RPS6KA2: variants seen among roughly 807,000 people sequenced by gnomAD.
The protein encoded by RPS6KA2 is ribosomal protein S6 kinase A2, also known as ribosomal protein S6 kinase alpha-2.
A neutral mutation model predicts 91.8 loss-of-function variants in RPS6KA2; 42 were observed. That is an observed-to-expected ratio of 0.46 (90% CI 0.36 to 0.59). The LOEUF (loss-of-function observed/expected upper bound fraction) is 0.59, where lower values mean the gene tolerates loss of function less well. Among genes scored for constraint, RPS6KA2 ranks in the 20% least tolerant of loss-of-function variants. The probability of loss-of-function intolerance (pLI) is 0.00; values close to 1 mark genes in which losing one functional copy is unlikely to be tolerated. For missense variants in RPS6KA2, 798 were observed against 978.5 expected (o/e 0.82, Z 2.46); for synonymous variants, 414 against 393.6 (o/e 1.05, Z -0.61).
intron 10 of RPS6KA2, among the ~76,000 whole-genome samples, chr6:166,480,511 AT>A (rs1562523965): frequency 1.1e-3 from 103 of 94,638 alleles, no homozygotes; most frequent in Middle Eastern, 5.7e-3. Context: ...ATATATATAT[AT>A]ATAATATATT....
At chr6:166,739,430 T>A (rs913149336) in intron 2 of RPS6KA2, among the ~76,000 whole-genome samples, 4 of 152,190 alleles carry the variant, frequency 2.6e-5, no homozygotes, top group Non-Finnish European at 5.9e-5. Context: ...TGGAAACCCT[T>A]AAGCCTCCCA....
chr6:166,632,081 G>A (rs944288572), upstream of RPS6KA2, among the ~76,000 whole-genome samples: 7 of 152,222 alleles, frequency 4.6e-5, no homozygotes, highest in African/African-American at 1.2e-4. Flanking sequence ...TGTACCCTTT[G>A]AGCAACATCG....
intron 1 of RPS6KA2, among the ~76,000 whole-genome samples, chr6:166,564,745 A>T (rs562414882): frequency 7.2e-5 from 11 of 152,284 alleles, no homozygotes; most frequent in African/African-American, 2.4e-4. Context: ...GGAACTTTCT[A>T]TGGGGGAAAG....
At chr6:166,641,207 G>T (rs1416440236) in intron 2 of RPS6KA2, among the ~76,000 whole-genome samples, 1 of 152,078 alleles carries the variant, frequency 6.6e-6, no homozygotes, top group Non-Finnish European at 1.5e-5. Flanking sequence ...TACAAACTGT[G>T]GGCAAGAGTC....
intron 2 of RPS6KA2, among the ~76,000 whole-genome samples, chr6:166,532,826 T>TGA (rs3839531): frequency 0.027 from 4,011 of 149,488 alleles, 152 homozygotes; most frequent in Admixed American, 0.11. Flanking sequence ...GTGTGGAGTG[T>TGA]GAGAGAGAGA....
At chr6:166,640,574 G>T (rs1319679522) in intron 2 of RPS6KA2, among the ~76,000 whole-genome samples, 1 of 152,194 alleles carries the variant, frequency 6.6e-6, no homozygotes, top group Non-Finnish European at 1.5e-5. Context: ...GCAACCTGCT[G>T]GGTCACGTAT....
chr6:166,624,486 G>A (rs1786758582), intron 1 of RPS6KA2, among the ~76,000 whole-genome samples: 1 of 152,178 alleles, frequency 6.6e-6, no homozygotes, highest in South Asian at 2.1e-4. Context: ...CGAACAGGCA[G>A]CCTTCTCAAG....
intron 2 of RPS6KA2, chr6:166,702,351 T>C: frequency 6.2e-7 from 1 of 1,611,804 alleles, no homozygotes. Flanking sequence ...TTTTGCTGGG[T>C]GGCCATTTCA....
At chr6:166,597,867 G>A (rs1411184193) in intron 1 of RPS6KA2, among the ~76,000 whole-genome samples, 1 of 152,176 alleles carries the variant, frequency 6.6e-6, no homozygotes, top group Admixed American at 6.5e-5. Context: ...GCTCTCTGGT[G>A]TGCCAGCCCC....
At chr6:166,722,228 A>G (rs966045660) in intron 2 of RPS6KA2, among the ~76,000 whole-genome samples, 1 of 152,186 alleles carries the variant, frequency 6.6e-6, no homozygotes, top group Non-Finnish European at 1.5e-5. Context: ...CAACCCCTGC[A>G]TGATTCTGCC....
At chr6:166,800,188 G>C (rs1490417343) in intron 2 of RPS6KA2, among the ~76,000 whole-genome samples, 1 of 152,222 alleles carries the variant, frequency 6.6e-6, no homozygotes, top group Non-Finnish European at 1.5e-5. Flanking sequence ...TGAAGTCCCA[G>C]ATGACAGTAC....
At chr6:166,816,748 C>T (rs1779776413) in intron 2 of RPS6KA2, among the ~76,000 whole-genome samples, 1 of 152,172 alleles carries the variant, frequency 6.6e-6, no homozygotes, top group Admixed American at 6.5e-5. Context: ...CAAACTCACT[C>T]TCAGGAGGTT....
intron 14 of RPS6KA2, among the ~76,000 whole-genome samples, chr6:166,442,662 G>A (rs1162832114): frequency 1.3e-5 from 2 of 152,178 alleles, no homozygotes; most frequent in East Asian, 3.8e-4. Context: ...CTCTTCATAT[G>A]TGTACTGACG....
rs1788916459 is a variant in RPS6KA2 at position 166,683,846 on chromosome 6, G to A, written c.124-145062C>T. Among the ~76,000 whole-genome samples, 4 of 152,238 alleles carry A rather than the reference G, an allele frequency of 2.6e-5. No individual in the cohort carries two copies. In the South Asian group the frequency reaches 8.3e-4, roughly 32 times the overall value. On this transcript the variant is annotated intron_variant, in intron 2 of 21. Transcript: ENST00000503859. ...GGAGATACAGGAGAGAGCAGCTAGC[G>A]AGAGGTCCTTGGGGTGTTCGGCAGC... is the stretch of plus-strand genomic sequence containing the variant.
intron 1 of RPS6KA2, among the ~76,000 whole-genome samples, chr6:166,614,853 T>C (rs1786345725): frequency 6.6e-6 from 1 of 152,198 alleles, no homozygotes; most frequent in Non-Finnish European, 1.5e-5. Flanking sequence ...TGTGATTACA[T>C]TTAGGGCCTC....
At chr6:166,491,007 G>A (rs1201803694) in intron 8 of RPS6KA2, among the ~76,000 whole-genome samples, 1 of 152,204 alleles carries the variant, frequency 6.6e-6, no homozygotes, top group Non-Finnish European at 1.5e-5. Context: ...CCCCGAGTAC[G>A]ACAGAGAAAA....
rs1562349108 is a variant in RPS6KA2 at position 166,624,133 on chromosome 6, A to G, written c.99+2788T>C. ...TAAAATCAAGTATGAAAACATTAGG[A>G]CTGAGTCTCTCTCTGAAAGCCTTTT... is the stretch of plus-strand genomic sequence containing the variant. On this transcript the variant is annotated intron_variant, in intron 1 of 20. Coordinates refer to ENST00000265678, the MANE Select transcript of RPS6KA2 (RefSeq NM_021135.6). Among the ~76,000 whole-genome samples the G allele has an allele frequency of 2.0e-5, 3 of 152,330 alleles. No homozygotes were observed. In the East Asian group the frequency reaches 5.8e-4, roughly 29 times the overall value.
chr6:166,468,855 C>T (rs866170463), intron 11 of RPS6KA2, among the ~76,000 whole-genome samples: 1 of 30,486 alleles, frequency 3.3e-5, no homozygotes, highest in East Asian at 1.3e-3. Context: ...CAGAGCGAGA[C>T]TAAAAAAAAA....
At chr6:166,758,121 C>G (rs184481256) in intron 2 of RPS6KA2, among the ~76,000 whole-genome samples, 2 of 152,216 alleles carry the variant, frequency 1.3e-5, no homozygotes, top group African/African-American at 4.8e-5. Context: ...AAAGACACTT[C>G]GGTCCTTCTC....
Sources: allele counts gnomAD v4.1 joint callset (sites outside exome capture counted in the v4.1 genomes callset), GRCh38; gene constraint gnomAD v4.1.1; transcripts MANE v1.5; gene names NCBI Gene and HGNC (gene_info 2026-07-23, HGNC 2026-07-21).